The following GRIN1 variants were observed in gnomAD, a reference collection of about 807,000 sequenced individuals.
The protein encoded by GRIN1 is glutamate ionotropic receptor NMDA type subunit 1, also known as glutamate receptor ionotropic, NMDA 1.
A neutral mutation model predicts 103.0 loss-of-function variants in GRIN1; 38 were observed. The observed-to-expected ratio is 0.37, with a 90% CI of 0.28 to 0.48. The LOEUF (loss-of-function observed/expected upper bound fraction) is 0.48, where lower values mean the gene tolerates loss of function less well. GRIN1 is among the 20% of genes least tolerant of loss of function. The pLI, the probability that GRIN1 is intolerant of heterozygous loss-of-function variation, is 0.98. For missense variants in GRIN1, 577 were observed against 1,288.9 expected (o/e 0.45, Z 8.46); for synonymous variants, 544 against 532.7 (o/e 1.02, Z -0.29).
chr9:137,156,449 T>C (rs1258834369), intron 4 of GRIN1, among the ~76,000 whole-genome samples: 1 of 146,098 alleles, frequency 6.8e-6, no homozygotes, highest in Non-Finnish European at 1.5e-5. Context: ...GGGGCCAGCA[T>C]CTAACCCCAT....
chr9:137,165,362 C>A, intron 19 of GRIN1, 66 bp downstream of exon 19: 1 of 989,350 alleles, frequency 1.0e-6, no homozygotes, highest in Non-Finnish European at 1.6e-6. Context: ...GTGTCTCCCG[C>A]CCCATCACCC....
chr9:137,154,007 T>C (rs1833066572), intron 4 of GRIN1, among the ~76,000 whole-genome samples: 1 of 151,902 alleles, frequency 6.6e-6, no homozygotes, highest in Admixed American at 6.6e-5. Context: ...AGATGAGGTT[T>C]CACCATGTTG....
intron 4 of GRIN1, among the ~76,000 whole-genome samples, chr9:137,149,941 T>G (rs892326263): frequency 2.0e-5 from 3 of 152,028 alleles, no homozygotes; most frequent in African/African-American, 7.2e-5. Context: ...ATTTCCACGG[T>G]CCATCAAATG....
Position 137,161,164 on chromosome 9 carries a change from T to G in GRIN1, c.1306T>G (p.Cys436Gly), listed in dbSNP as rs1833516399. 1 of 1,612,218 alleles carries G rather than the reference T, an allele frequency of 6.2e-7. No homozygotes were observed. Among genetic ancestry groups the G allele is most frequent in the Non-Finnish European group, 8.5e-7 (1 of 1,179,710 alleles). The stretch of plus-strand genomic sequence containing the variant: ...CGGCGACCCAGTCAAGAAGGTGATC[T>G]GCACCGGGCCCAACGACACGTCGCC... ...VNGDPVKKVI[C>G]TGPNDTSPGS... The change falls in exon 9 of 20, where the codon TGC becomes GGC. Residue 436 changes from cysteine (C) to glycine (G), a missense_variant. Cys to Gly is a radical substitution (Grantham distance 159). This residue lies in a region of GRIN1 where 96 missense variants were observed against 145.0 expected (regional missense o/e 0.66). Coordinates refer to ENST00000371561, the MANE Select transcript of GRIN1 (RefSeq NM_007327.4).
chr9:137,141,310 C>T (rs907596842), intron 1 of GRIN1, among the ~76,000 whole-genome samples: 4 of 152,154 alleles, frequency 2.6e-5, no homozygotes, highest in Non-Finnish European at 4.4e-5. Flanking sequence ...CCTTGGGAGG[C>T]TGGGGAGAGA....
At chr9:137,141,276 G>T (rs1832149863) in intron 1 of GRIN1, among the ~76,000 whole-genome samples, 1 of 152,154 alleles carries the variant, frequency 6.6e-6, no homozygotes, top group Non-Finnish European at 1.5e-5. Context: ...AGGTGGTGTG[G>T]ACCACCAGCT....
At chr9:137,158,980 C>T (rs937435597) in intron 8 of GRIN1, among the ~76,000 whole-genome samples, 2 of 152,214 alleles carry the variant, frequency 1.3e-5, no homozygotes, top group African/African-American at 4.8e-5. Context: ...AGTTGTCTGA[C>T]AGGACCCTGC....
intron 4 of GRIN1, among the ~76,000 whole-genome samples, chr9:137,153,227 A>C (rs1377159729): frequency 6.6e-6 from 1 of 150,772 alleles, no homozygotes; most frequent in Admixed American, 6.6e-5. Flanking sequence ...ATGTGCACAC[A>C]TGCCACATAC....
At chr9:137,164,963 C>T (rs1833787209) in intron 18 of GRIN1, 2 of 551,490 alleles carry the variant, frequency 3.6e-6, no homozygotes, top group East Asian at 6.3e-5. Context: ...CGAGAGCCCC[C>T]AAGCCCAGCC....
In GRIN1 at chr9:137,149,394, C is replaced by G. The variant is rs529327716; in HGVS notation, c.671+285C>G. Among the ~76,000 whole-genome samples, 183 of 152,322 alleles carry G rather than the reference C, an allele frequency of 1.2e-3. 1 individual carries two copies. Among genetic ancestry groups the G allele is most frequent in the African/African-American group, 4.2e-3 (174 of 41,574 alleles). On this transcript the variant is annotated intron_variant, in intron 4 of 19. Coordinates refer to ENST00000371561, the MANE Select transcript of GRIN1 (RefSeq NM_007327.4). ...TGTGGGAGAGGGATATGGAAGAGAC[C>G]CTGCCCTTGGGAAGCCCCGCAACTC...
intron 4 of GRIN1, among the ~76,000 whole-genome samples, chr9:137,154,689 A>C (rs1204263892): frequency 6.7e-6 from 1 of 149,994 alleles, no homozygotes; most frequent in Non-Finnish European, 1.5e-5. Flanking sequence ...TGACCTCAGG[A>C]GACCTGCCCG....
intron 2 of GRIN1, among the ~76,000 whole-genome samples, chr9:137,142,983 A>G (rs1564341478): frequency 6.6e-6 from 1 of 152,196 alleles, no homozygotes; most frequent in Non-Finnish European, 1.5e-5. Context: ...CAAGCCAGAG[A>G]GCCATGGGGG....
intron 4 of GRIN1, among the ~76,000 whole-genome samples, chr9:137,152,571 G>T (rs766544964): frequency 3.3e-5 from 5 of 152,162 alleles, no homozygotes; most frequent in Admixed American, 6.5e-5. Flanking sequence ...AGGGGAGGGG[G>T]CGTTTTCTCC....
chr9:137,141,246 C>T (rs1198850614), intron 1 of GRIN1, among the ~76,000 whole-genome samples: 2 of 152,188 alleles, frequency 1.3e-5, no homozygotes, highest in Non-Finnish European at 2.9e-5. Context: ...TGGGGACAGA[C>T]GCAGGTCCTT....
intron 8 of GRIN1, 34 bp from the exon 9 acceptor site, chr9:137,161,022 G>A (rs1464109981): frequency 6.2e-7 from 1 of 1,611,918 alleles, no homozygotes; most frequent in Non-Finnish European, 8.5e-7. Flanking sequence ...GCCTTAGGTC[G>A]GTGGTCCAGG....
In GRIN1 at chr9:137,168,163, G is replaced by A. The variant is rs978015902; in HGVS notation, c.*636G>A. On this transcript the variant is annotated 3_prime_UTR_variant, in exon 20 of 20. Coordinates refer to ENST00000371561, the MANE Select transcript of GRIN1 (RefSeq NM_007327.4). ...AGGCGGAGGGGCTTGGAGCAGAGAC[G>A]GCAGCCCCATCCTTCCCGCAGCACC... The A allele has an allele frequency of 4.3e-6, 2 of 469,676 alleles. No individual in the cohort carries two copies. The highest frequency in any genetic ancestry group is 8.3e-5 in the East Asian group (2 of 24,188). 29.1% of individuals were successfully genotyped at this position (469,676 alleles called of 1,614,324 possible). A position where few individuals can be genotyped will look rare whatever the true frequency, so the allele number is the denominator to read the frequency against.
rs2131279633 is a variant in GRIN1 at position 137,158,419 on chromosome 9, C to T, written c.1009C>T (p.Arg337Cys). The change falls in exon 7 of 20, where the codon CGC (arginine) becomes TGC (cysteine). Residue 337 changes from arginine to cysteine, a missense_variant. By Grantham distance (180) the Arg-to-Cys change is radical. Coordinates refer to ENST00000371561, the MANE Select transcript of GRIN1 (RefSeq NM_007327.4). ...CAAGTATGCGGATGGGGTGACTGGTCGCGTGGAGTTCAATGAGGATGGGGA... is the reference window on the plus strand; with the variant it reads ...CAAGTATGCGGATGGGGTGACTGGTTGCGTGGAGTTCAATGAGGATGGGGA... Reference protein sequence around the residue: ...SSKYADGVTGRVEFNEDGDRK... With the variant: ...SSKYADGVTGCVEFNEDGDRK... 2.5e-6 allele frequency: 4 copies of T among 1,613,502 alleles called. No individual in the cohort carries two copies. The highest frequency in any genetic ancestry group is 2.5e-6 in the Non-Finnish European group (3 of 1,179,954).
At chr9:137,147,507 T>C (rs1312266821) in intron 3 of GRIN1, among the ~76,000 whole-genome samples, 4 of 151,830 alleles carry the variant, frequency 2.6e-5, no homozygotes, top group African/African-American at 7.3e-5. Flanking sequence ...CATGCACACA[T>C]GCACACACAC....
At chr9:137,162,793 C>T (rs1833629716) in intron 14 of GRIN1, 53 bp from the exon 15 acceptor site, 4 of 1,604,406 alleles carry the variant, frequency 2.5e-6, no homozygotes, top group Non-Finnish European at 3.4e-6. Context: ...GGGTCGGCCT[C>T]GGTTAGGGGC....
Sources: gnomAD v4.1 joint callset for allele counts (sites outside exome capture counted in the v4.1 genomes callset) on GRCh38, gnomAD v4.1.1 for gene constraint, gnomAD v4.1.1 regional missense constraint, MANE v1.5 for transcripts, NCBI Gene and HGNC (gene_info 2026-07-23, HGNC 2026-07-21) for gene names.